TDRD5: variants seen among roughly 807,000 people sequenced by gnomAD.
TDRD5 encodes tudor domain containing 5, also known as tudor domain-containing protein 5.
Under a neutral mutation model 120.6 loss-of-function variants are expected in TDRD5, and 41 were observed. The ratio of observed to expected loss-of-function variants is 0.34; its 90% CI spans 0.26 to 0.44. The LOEUF is 0.44. TDRD5 is among the 20% of genes least tolerant of loss of function. The pLI is 1.00. For missense variants in TDRD5, 1,006 were observed against 1,221.2 expected (o/e 0.82, Z 2.63); for synonymous variants, 430 against 433.7 (o/e 0.99, Z 0.11).
chr1:179,599,843 T>G (rs969422382), intron 4 of TDRD5, among the ~76,000 whole-genome samples: 1 of 152,182 alleles, frequency 6.6e-6, no homozygotes, highest in African/African-American at 2.4e-5. Context: ...TGCCACCTGG[T>G]GGTGATGTAG....
intron 14 of TDRD5, among the ~76,000 whole-genome samples, chr1:179,660,366 C>A (rs1222632316): frequency 6.6e-6 from 1 of 151,772 alleles, no homozygotes; most frequent in Non-Finnish European, 1.5e-5. Context: ...ACTCCAGGCA[C>A]CCACCAGCAC....
At chr1:179,625,315 C>T (rs1677063522) in intron 6 of TDRD5, among the ~76,000 whole-genome samples, 1 of 152,036 alleles carries the variant, frequency 6.6e-6, no homozygotes, top group South Asian at 2.1e-4. Flanking sequence ...TAAAAGAAAA[C>T]TGATAATGAG....
chr1:179,635,355 T>G (rs1677706609), intron 8 of TDRD5, among the ~76,000 whole-genome samples: 1 of 152,194 alleles, frequency 6.6e-6, no homozygotes, highest in Admixed American at 6.5e-5. Flanking sequence ...ATGTTTGAAG[T>G]ATCATATTTT....
At chr1:179,615,357 G>A (rs995540652) in intron 4 of TDRD5, among the ~76,000 whole-genome samples, 2 of 152,056 alleles carry the variant, frequency 1.3e-5, no homozygotes, top group Non-Finnish European at 2.9e-5. Context: ...CTGTTAACGT[G>A]TATGTATTTG....
At chr1:179,612,645 C>T (rs1296134827) in intron 4 of TDRD5, among the ~76,000 whole-genome samples, 1 of 152,070 alleles carries the variant, frequency 6.6e-6, no homozygotes, top group Non-Finnish European at 1.5e-5. Context: ...TTTAAGAGTA[C>T]ATCATCCTGC....
intron 14 of TDRD5, among the ~76,000 whole-genome samples, chr1:179,655,353 T>A (rs1678943536): frequency 6.6e-6 from 1 of 152,330 alleles, no homozygotes; most frequent in Non-Finnish European, 1.5e-5. Context: ...TTACTGTGAC[T>A]ATGTAAATGC....
chr1:179,594,609 T>G (rs1326201792), intron 3 of TDRD5, among the ~76,000 whole-genome samples: 1 of 152,262 alleles, frequency 6.6e-6, no homozygotes, highest in Non-Finnish European at 1.5e-5. Flanking sequence ...AATGTACAGT[T>G]TACACACTGA....
At chr1:179,685,943 CT>C (rs1260841883) in intron 17 of TDRD5, among the ~76,000 whole-genome samples, 1 of 152,180 alleles carries the variant, frequency 6.6e-6, no homozygotes, top group Admixed American at 6.5e-5. Flanking sequence ...AGATTTTGAG[CT>C]AAGATGATGG....
intron 12 of TDRD5, 90 bp from the exon 13 acceptor site, chr1:179,651,949 C>A: frequency 7.4e-7 from 1 of 1,350,930 alleles, no homozygotes. Context: ...TAATATACTT[C>A]CATAGCATTT....
intron 14 of TDRD5, among the ~76,000 whole-genome samples, chr1:179,656,742 A>G (rs1227580878): frequency 1.3e-5 from 2 of 152,234 alleles, no homozygotes; most frequent in African/African-American, 4.8e-5. Flanking sequence ...GTAGACTTAC[A>G]TAGTACCTCT....
intron 11 of TDRD5, among the ~76,000 whole-genome samples, chr1:179,644,469 A>G (rs1678230580): frequency 6.6e-6 from 1 of 152,130 alleles, no homozygotes; most frequent in Non-Finnish European, 1.5e-5. Flanking sequence ...CCTAATATAT[A>G]CTTGTTTATA....
intron 17 of TDRD5, among the ~76,000 whole-genome samples, chr1:179,674,947 C>A (rs1680044588): frequency 6.6e-6 from 1 of 152,082 alleles, no homozygotes; most frequent in African/African-American, 2.4e-5. Context: ...CTTAGTTAAT[C>A]TCACTAATGG....
At chr1:179,597,319 C>CTTTTCTTT (rs1390334669) in intron 4 of TDRD5, among the ~76,000 whole-genome samples, 1 of 143,444 alleles carries the variant, frequency 7.0e-6, no homozygotes, top group Non-Finnish European at 1.5e-5. Context: ...ATTTTTCTTT[C>CTTTTCTTT]TTTTCTTTTT....
intron 9 of TDRD5, among the ~76,000 whole-genome samples, chr1:179,637,309 C>G (rs984300160): frequency 6.6e-6 from 1 of 152,156 alleles, no homozygotes; most frequent in Non-Finnish European, 1.5e-5. Context: ...AGCACACTCA[C>G]TGGCTCTCTG....
intron 17 of TDRD5, among the ~76,000 whole-genome samples, chr1:179,672,258 G>A (rs1395537837): frequency 1.3e-5 from 2 of 151,868 alleles, no homozygotes; most frequent in African/African-American, 2.4e-5. Flanking sequence ...CCTTTCCACC[G>A]CATGCATGCC....
chr1:179,597,009 G>A lies in TDRD5; in HGVS notation c.831+1191G>A, dbSNP rs78820175. ...TATTAGCCATTTGAGTGGGTGTGTA[G>A]TGCTATCTCATGGTTTTAAGTTGGA... On this transcript the variant is annotated intron_variant, in intron 4 of 17. Transcript: ENST00000444136. Among the ~76,000 whole-genome samples, 197 of 152,326 alleles carry A rather than the reference G, an allele frequency of 1.3e-3. No homozygotes were observed. In the East Asian group the frequency reaches 0.02, roughly 16 times the overall value.
chr1:179,593,881 C>T lies in TDRD5; in HGVS notation c.640+14C>T, dbSNP rs1482074510. ...GATGTCCAGCAGGTACGCATGTGAGCAAATGTTGGAGCAGTCATGGCACAT... is the reference window on the plus strand; with the variant it reads ...GATGTCCAGCAGGTACGCATGTGAGTAAATGTTGGAGCAGTCATGGCACAT... On this transcript the variant is annotated intron_variant, in intron 3 of 17. Transcript: ENST00000444136. 2 of 1,606,434 alleles carry T rather than the reference C, an allele frequency of 1.2e-6. No individual in the cohort carries two copies. Among genetic ancestry groups the T allele is most frequent in the Non-Finnish European group, 1.7e-6 (2 of 1,175,466 alleles).
chr1:179,648,863 A>T (rs7519436), intron 11 of TDRD5, among the ~76,000 whole-genome samples: 1 of 151,874 alleles, frequency 6.6e-6, no homozygotes, highest in Non-Finnish European at 1.5e-5. Flanking sequence ...GTCAGGACCC[A>T]TTTTCCTTCA....
At chr1:179,598,339 A>G (rs1252728791) in intron 4 of TDRD5, among the ~76,000 whole-genome samples, 1 of 152,218 alleles carries the variant, frequency 6.6e-6, no homozygotes, top group Non-Finnish European at 1.5e-5. Flanking sequence ...TGGATATTCT[A>G]GGTTTGCATT....
Sources: gnomAD v4.1 joint callset for allele counts (sites outside exome capture counted in the v4.1 genomes callset) on GRCh38, gnomAD v4.1.1 for gene constraint, MANE v1.5 for transcripts, NCBI Gene and HGNC (gene_info 2026-07-23, HGNC 2026-07-21) for gene names.